Variants in ABI3BP observed in about 807,000 individuals in gnomAD.
The protein encoded by ABI3BP is target of Nesh-SH3.
Under a neutral mutation model 268.6 loss-of-function variants are expected in ABI3BP, and 216 were observed. That is an observed-to-expected ratio of 0.80 (90% CI 0.72 to 0.90). The LOEUF (loss-of-function observed/expected upper bound fraction) is 0.90, where lower values mean the gene tolerates loss of function less well. ABI3BP is among the 40% of genes least tolerant of loss of function. The pLI, the probability that ABI3BP is intolerant of heterozygous loss-of-function variation, is 0.00. For synonymous variants in ABI3BP, 730 were observed against 730.0 expected, an observed-to-expected ratio of 1.00 and a Z score of 0.00; for missense variants, 2,090 against 2,182.4, an observed-to-expected ratio of 0.96 and a Z score of 0.84.
intron 40 of ABI3BP, among the ~76,000 whole-genome samples, chr3:100,819,947 C>CAAAA (rs3029879): frequency 2.7e-3 from 247 of 92,362 alleles, no homozygotes; most frequent in Non-Finnish European, 3.3e-3. Flanking sequence ...GACTCCGTCT[C>CAAAA]AAAAAAAAAA....
At chr3:100,795,146 G>T in intron 53 of ABI3BP, 143 bp from the exon 54 acceptor site, 1 of 573,672 alleles carries the variant, frequency 1.7e-6, no homozygotes, top group South Asian at 2.8e-5. Context: ...TCAGAAAAAT[G>T]ACTGCGGAAT....
intron 45 of ABI3BP, among the ~76,000 whole-genome samples, chr3:100,813,125 T>A (rs1038401786): frequency 6.6e-6 from 1 of 152,156 alleles, no homozygotes; most frequent in Non-Finnish European, 1.5e-5. Flanking sequence ...AAGCAACCCA[T>A]CAGCCTTGGC....
chr3:100,844,232 T>C (rs2098742283), intron 20 of ABI3BP: 22 of 985,418 alleles, frequency 2.2e-5, no homozygotes, highest in Middle Eastern at 5.2e-4. Context: ...TCTATCCACG[T>C]TGGAAGACGG....
intron 1 of ABI3BP, among the ~76,000 whole-genome samples, chr3:100,927,413 T>G (rs376300906): frequency 2.6e-5 from 4 of 152,162 alleles, no homozygotes; most frequent in African/African-American, 9.6e-5. Flanking sequence ...ACATTTACCT[T>G]CTTGCTGAGT....
At position 100,778,481 on chromosome 3, in the gene ABI3BP, G is replaced by A. The variant is rs562059760; in HGVS notation, c.4241-105C>T. 4 of 931,236 alleles carry A rather than the reference G, an allele frequency of 4.3e-6. No individual in the cohort carries two copies. In the African/African-American group the frequency reaches 5.0e-5, roughly 12 times the overall value. 57.7% of individuals were successfully genotyped at this position (931,236 alleles called of 1,614,324 possible). A position where few individuals can be genotyped will look rare whatever the true frequency, so the allele number is the denominator to read the frequency against. ...AATAAAAAATAATGTTTGATAATTA[G>A]CAGTTGGATGACAGAGAATAGATTC... On this transcript the variant is annotated intron_variant, in intron 58 of 67. Coordinates refer to ENST00000471714, the MANE Select transcript of ABI3BP (RefSeq NM_001375547.2).
chr3:100,850,704 G>T lies in ABI3BP; in HGVS notation c.1382C>A (p.Pro461Gln). 1 of 1,612,978 alleles carries T rather than the reference G, an allele frequency of 6.2e-7. No homozygotes were observed. The highest frequency in any genetic ancestry group is 8.5e-7 in the Non-Finnish European group (1 of 1,179,266). Residue 461 changes from proline (P) to glutamine (Q), a missense_variant, in exon 16 of 68, where the codon CCA (proline) becomes CAA (glutamine). Physicochemically the swap from Pro to Gln is moderately conservative, Grantham distance 76. Transcript: ENST00000471714. ...ATSDRILDSI[P>Q]PKTSRTLEQP... is the part of the protein sequence containing the mutation. ...TTCAAGAGTTCTAGAAGTTTTAGGT[G>T]GGATAGAATCCAGAATACGATCACT...
At chr3:100,856,344 G>A (rs2098939892) in intron 14 of ABI3BP, among the ~76,000 whole-genome samples, 1 of 152,116 alleles carries the variant, frequency 6.6e-6, no homozygotes, top group Non-Finnish European at 1.5e-5. Flanking sequence ...CTTCTACAAA[G>A]TACTGTAAGA....
At chr3:100,974,437 T>C (rs1177049710) in intron 1 of ABI3BP, among the ~76,000 whole-genome samples, 1 of 152,160 alleles carries the variant, frequency 6.6e-6, no homozygotes, top group Non-Finnish European at 1.5e-5. Flanking sequence ...GAGCTAACTA[T>C]TAATACATGC....
chr3:100,870,804 A>G (rs929599215), intron 9 of ABI3BP, among the ~76,000 whole-genome samples: 2 of 152,220 alleles, frequency 1.3e-5, no homozygotes, highest in African/African-American at 2.4e-5. Flanking sequence ...TTAAATGTTC[A>G]TTGATGAATG....
chr3:100,752,605 C>T, intron 66 of ABI3BP, 182 bp downstream of exon 66: 1 of 555,894 alleles, frequency 1.8e-6, no homozygotes, highest in Non-Finnish European at 3.1e-6. Context: ...CTTCTAATAG[C>T]ATGTCTTAAA....
intron 43 of ABI3BP, 184 bp downstream of exon 43, chr3:100,816,503 TC>T: frequency 1.5e-6 from 1 of 678,996 alleles, no homozygotes; most frequent in East Asian, 2.7e-5. Context: ...CACAAGTGGC[TC>T]CAAGCCATGT....
chr3:100,814,488 C>T (rs2097955438), intron 44 of ABI3BP, among the ~76,000 whole-genome samples: 1 of 152,088 alleles, frequency 6.6e-6, no homozygotes, highest in South Asian at 2.1e-4. Flanking sequence ...AGTCCAACTA[C>T]TCTCTGTCAT....
At chr3:100,989,888 A>G (rs2092651793) in intron 1 of ABI3BP, among the ~76,000 whole-genome samples, 2 of 152,222 alleles carry the variant, frequency 1.3e-5, no homozygotes, top group Non-Finnish European at 2.9e-5. Context: ...GTATAAAACA[A>G]TGTGAAAATT....
intron 43 of ABI3BP, 154 bp downstream of exon 43, chr3:100,816,534 C>T (rs1175441130): frequency 9.5e-6 from 7 of 734,046 alleles, no homozygotes; most frequent in South Asian, 4.5e-5. Context: ...TAGCTCTGTA[C>T]GAGAAGCAGT....
In ABI3BP at chr3:100,834,687, G is replaced by A. The variant is rs961629625; in HGVS notation, c.2278C>T (p.Leu760=). The change falls in exon 29 of 68, where the codon CTA becomes TTA. Residue 760 remains leucine (L), a synonymous_variant. Transcript: ENST00000471714. ...TPRPETLQTK[L]DFGPITPGTS... ...CAAGGAACCACATATTATTTACCTAGTTTGGTCTGCAGTGTCTCTGGGCGT... is the reference window on the plus strand; with the variant it reads ...CAAGGAACCACATATTATTTACCTAATTTGGTCTGCAGTGTCTCTGGGCGT... The A allele has an allele frequency of 1.3e-6, 2 of 1,535,298 alleles. No homozygotes were observed. The highest frequency in any genetic ancestry group is 2.7e-5 in the African/African-American group (2 of 72,980).
chr3:100,844,244 C>T, intron 20 of ABI3BP: 2 of 985,394 alleles, frequency 2.0e-6, no homozygotes, highest in Non-Finnish European at 2.4e-6. Flanking sequence ...GGAAGACGGT[C>T]AAGTGAAACA....
At chr3:100,812,627 A>G (rs930921246) in intron 45 of ABI3BP, 104 bp from the exon 46 acceptor site, 4 of 636,268 alleles carry the variant, frequency 6.3e-6, no homozygotes, top group Non-Finnish European at 6.8e-6. Flanking sequence ...GTTATAGGGT[A>G]ACAACATTAT....
chr3:100,980,610 T>TAAACAAAGAGTGAGAGGAAAATTTGGAAA (rs1428546770), intron 1 of ABI3BP, among the ~76,000 whole-genome samples: 3 of 152,210 alleles, frequency 2.0e-5, no homozygotes, highest in Non-Finnish European at 2.9e-5. Flanking sequence ...AAGAGGGTTG[T>TAAACAAAGAGTGAGAGGAAAATTTGGAAA]AAACAAAGAG....
chr3:100,864,816 A>T lies in ABI3BP; in HGVS notation c.1063+17T>A. 4 of 1,570,294 alleles carry T rather than the reference A, an allele frequency of 2.5e-6. No individual in the cohort carries two copies. Among genetic ancestry groups the T allele is most frequent in the Non-Finnish European group, 3.5e-6 (4 of 1,158,278 alleles). Reference sequence around the variant, plus strand: ...TACTTTTGTTTTTTTAGAAAAAAAAAAAGTTCTTAGAATTACCCAGTGTTG... The same window carrying T: ...TACTTTTGTTTTTTTAGAAAAAAAATAAGTTCTTAGAATTACCCAGTGTTG... On this transcript the variant is annotated intron_variant, in intron 11 of 67. Coordinates refer to ENST00000471714, the MANE Select transcript of ABI3BP (RefSeq NM_001375547.2).
Sources: gnomAD v4.1 joint callset for allele counts (sites outside exome capture counted in the v4.1 genomes callset) on GRCh38, gnomAD v4.1.1 for gene constraint, MANE v1.5 for transcripts, NCBI Gene and HGNC (gene_info 2026-07-23, HGNC 2026-07-21) for gene names.